The following REEP5 variants were observed in gnomAD, a reference collection of about 807,000 sequenced individuals.
REEP5 encodes the protein receptor accessory protein 5.
Under a neutral mutation model 22.4 loss-of-function variants are expected in REEP5, and 24 were observed. The observed-to-expected ratio is 1.07, with a 90% CI of 0.78 to 1.51. The LOEUF is 1.51. REEP5 is among the 40% of genes most tolerant of loss of function. The pLI is 0.00. For synonymous variants in REEP5, 103 were observed against 88.6 expected, an observed-to-expected ratio of 1.16 and a Z score of -0.92; for missense variants, 252 against 233.0, an observed-to-expected ratio of 1.08 and a Z score of -0.53.
At chr5:112,883,879 G>A (rs957409144) in intron 4 of REEP5, among the ~76,000 whole-genome samples, 11 of 152,014 alleles carry the variant, frequency 7.2e-5, no homozygotes, top group South Asian at 6.2e-4. Flanking sequence ...TAAAAAGCTC[G>A]TCCTTGTCCT....
intron 4 of REEP5, among the ~76,000 whole-genome samples, chr5:112,879,264 C>T (rs973796538): frequency 2.6e-4 from 34 of 130,882 alleles, no homozygotes. Context: ...CCCATGGCGA[C>T]AAATCAGAGA....
chr5:112,885,039 A>C (rs916179960), intron 4 of REEP5: 1 of 152,482 alleles, frequency 6.6e-6, no homozygotes, highest in Non-Finnish European at 1.5e-5. Flanking sequence ...CATAACAAAA[A>C]CTGAACAGCA....
At chr5:112,881,128 CAAAAAA>C (rs58737941) in intron 4 of REEP5, among the ~76,000 whole-genome samples, 10 of 67,206 alleles carry the variant, frequency 1.5e-4, no homozygotes, top group East Asian at 5.2e-4. Flanking sequence ...GACTCTGTTT[CAAAAAA>C]AAAAAAAAAA....
intron 3 of REEP5, among the ~76,000 whole-genome samples, chr5:112,890,289 C>G (rs1183702564): frequency 1.4e-5 from 2 of 146,666 alleles, no homozygotes; most frequent in Non-Finnish European, 3.0e-5. Flanking sequence ...GACCCTGTCT[C>G]AAAAAGACAA....
chr5:112,898,268 T>C (rs1022110200), intron 3 of REEP5: 1 of 152,214 alleles, frequency 6.6e-6, no homozygotes, highest in Non-Finnish European at 1.5e-5. Context: ...ATGCCACTAA[T>C]GTAGGAAGAA....
chr5:112,912,682 C>T (rs1769131893), intron 2 of REEP5, among the ~76,000 whole-genome samples: 1 of 152,062 alleles, frequency 6.6e-6, no homozygotes, highest in African/African-American at 2.4e-5. Context: ...TTTGTTATGG[C>T]AGACACATAA....
intron 4 of REEP5, among the ~76,000 whole-genome samples, chr5:112,882,542 C>T (rs773417710): frequency 4.6e-5 from 7 of 152,160 alleles, no homozygotes; most frequent in African/African-American, 7.2e-5. Flanking sequence ...AAAACATAAA[C>T]AAGAACTGGT....
At chr5:112,902,598 C>G (rs1768876354) in intron 2 of REEP5, 80 bp from the exon 3 acceptor site, 1 of 1,327,154 alleles carries the variant, frequency 7.5e-7, no homozygotes. Context: ...CATAACCTGT[C>G]CTCTGATACC....
At chr5:112,885,558 C>T (rs1451356421) in intron 4 of REEP5, 1 of 248,652 alleles carries the variant, frequency 4.0e-6, no homozygotes, top group Non-Finnish European at 8.6e-6. Flanking sequence ...AACTACCTTC[C>T]CAGTATGATA....
chr5:112,897,163 CAT>C (rs1304459542), intron 3 of REEP5: 4 of 151,990 alleles, frequency 2.6e-5, no homozygotes, highest in African/African-American at 9.7e-5. Flanking sequence ...AATTATATAT[CAT>C]ATGTGATCTA....
At chr5:112,911,760 T>G (rs371745378) in intron 2 of REEP5, among the ~76,000 whole-genome samples, 1 of 152,226 alleles carries the variant, frequency 6.6e-6, no homozygotes, top group African/African-American at 2.4e-5. Context: ...TAGGAACATA[T>G]ACACCATTGT....
At chr5:112,915,056 T>C (rs932035890) in intron 2 of REEP5, among the ~76,000 whole-genome samples, 1 of 152,258 alleles carries the variant, frequency 6.6e-6, no homozygotes, top group African/African-American at 2.4e-5. Flanking sequence ...TTTGTATTTA[T>C]ACTTGTTTTA....
chr5:112,912,098 T>C lies in REEP5; in HGVS notation c.212+9065A>G, dbSNP rs141684104. ...AGAATGCCTGATTTGTCCTAAACGT[T>C]TGACATATATTATCCCAACTCCCCC... On this transcript the variant is annotated intron_variant, in intron 2 of 4. Transcript: ENST00000379638. Among the ~76,000 whole-genome samples the C allele has an allele frequency of 1.1e-3, 164 of 152,284 alleles. 1 individual carries two copies. Among genetic ancestry groups the C allele is most frequent in the African/African-American group, 3.6e-3 (148 of 41,578 alleles).
At chr5:112,899,649 T>C (rs1768799162) in intron 3 of REEP5, among the ~76,000 whole-genome samples, 1 of 152,218 alleles carries the variant, frequency 6.6e-6, no homozygotes, top group African/African-American at 2.4e-5. Flanking sequence ...TGAATATCTT[T>C]GTGCAGCTCT....
intron 2 of REEP5, among the ~76,000 whole-genome samples, chr5:112,905,756 G>C (rs1030184946): frequency 6.6e-6 from 1 of 151,876 alleles, no homozygotes; most frequent in Admixed American, 6.6e-5. Context: ...CAGTAGCTGG[G>C]ACTACAGGTT....
intron 2 of REEP5, among the ~76,000 whole-genome samples, chr5:112,906,084 A>G (rs1197569954): frequency 6.6e-6 from 1 of 152,220 alleles, no homozygotes; most frequent in Non-Finnish European, 1.5e-5. Context: ...GATTCATGAA[A>G]CCATAAGATA....
At position 112,916,135 on chromosome 5, in the gene REEP5, T is replaced by TA. The variant is rs1487918774; in HGVS notation, c.212+5027dup. 4.6e-5 allele frequency among the ~76,000 whole-genome samples: 7 copies of TA among 152,358 alleles called. No homozygotes were observed. In the South Asian group the frequency reaches 1.2e-3, roughly 27 times the overall value. ...TAAGCAAGTAGACTGCAACTCTTTTTAACTTGTGTTCCCCAGAATGTGTCC... is the reference window on the plus strand; with the variant it reads ...TAAGCAAGTAGACTGCAACTCTTTTTAAACTTGTGTTCCCCAGAATGTGTCC... On this transcript the variant is annotated intron_variant, in intron 2 of 4. Coordinates refer to ENST00000379638, the MANE Select transcript of REEP5 (RefSeq NM_005669.5).
chr5:112,922,138 C>G lies in REEP5; in HGVS notation c.53G>C (p.Cys18Ser). ...RFDRFLHEKNCMTDLLAKLEA... is the reference protein window; with the variant it reads ...RFDRFLHEKNSMTDLLAKLEA... ...GAGCTTGGCCAGAAGGTCAGTCATG[C>G]AGTTCTTCTCGTGCAGGAACCGGTC... The change falls in exon 1 of 5, where the codon TGC becomes TCC. Residue 18 changes from cysteine to serine, a missense_variant. Cys to Ser is a moderately radical substitution (Grantham distance 112, BLOSUM62 -1). Transcript: ENST00000379638. The G allele has an allele frequency of 1.2e-6, 2 of 1,607,516 alleles. No homozygotes were observed. The highest frequency in any genetic ancestry group is 1.7e-6 in the Non-Finnish European group (2 of 1,177,106).
intron 3 of REEP5, chr5:112,895,259 T>C (rs1415743072): frequency 2.0e-5 from 1 of 49,954 alleles, no homozygotes; most frequent in Admixed American, 2.0e-4. Context: ...AAAAAAAAAA[T>C]CAGGAGAGGT....
Sources: allele counts gnomAD v4.1 joint callset (sites outside exome capture counted in the v4.1 genomes callset), GRCh38; gene constraint gnomAD v4.1.1; transcripts MANE v1.5; gene names NCBI Gene and HGNC (gene_info 2026-07-23, HGNC 2026-07-21).